Variants in GABRB2 observed in about 807,000 individuals in gnomAD.
The protein encoded by GABRB2 is gamma-aminobutyric acid receptor subunit beta-2.
In GABRB2, 16 loss-of-function variants were observed where a neutral mutation model predicts 54.7. That is an observed-to-expected ratio of 0.29 (90% CI 0.20 to 0.44). The LOEUF is 0.44. Ranked by LOEUF, GABRB2 falls within the 20% of genes least tolerant of loss-of-function variation. The pLI, the probability that GABRB2 is intolerant of heterozygous loss-of-function variation, is 1.00. For missense variants in GABRB2, 355 were observed against 644.0 expected (o/e 0.55, Z 4.86); for synonymous variants, 244 against 233.8 (o/e 1.04, Z -0.40).
intron 7 of GABRB2, 67 bp downstream of exon 7, chr5:161,334,685 G>A (rs527528243): frequency 1.6e-5 from 24 of 1,525,400 alleles, no homozygotes; most frequent in African/African-American, 4.1e-5. Context: ...TAAGGAAAAC[G>A]CGTGCATGCG....
At chr5:161,349,794 T>A (rs1194222201) in intron 5 of GABRB2, among the ~76,000 whole-genome samples, 1 of 152,104 alleles carries the variant, frequency 6.6e-6, no homozygotes, top group East Asian at 1.9e-4. Context: ...ACTGCTTAAG[T>A]GGGCTTGAAA....
At chr5:161,425,024 C>A (rs1480668778) in intron 4 of GABRB2, among the ~76,000 whole-genome samples, 1 of 152,056 alleles carries the variant, frequency 6.6e-6, no homozygotes, top group African/African-American at 2.4e-5. Context: ...AGAAGTGGAT[C>A]TTGAAGATGT....
At chr5:161,349,226 A>C (rs1217784543) in intron 5 of GABRB2, among the ~76,000 whole-genome samples, 2 of 152,102 alleles carry the variant, frequency 1.3e-5, no homozygotes, top group Non-Finnish European at 2.9e-5. Flanking sequence ...TCCTGGCTTC[A>C]GGAAAAAAAA....
intron 5 of GABRB2, among the ~76,000 whole-genome samples, chr5:161,363,743 C>CG (rs1754891958): frequency 1.3e-5 from 2 of 152,012 alleles, no homozygotes; most frequent in Non-Finnish European, 1.5e-5. Flanking sequence ...AGCAATCATT[C>CG]TTTCTTTAGC....
intron 9 of GABRB2, among the ~76,000 whole-genome samples, chr5:161,306,890 C>T (rs252972): frequency 0.1 from 15,534 of 151,960 alleles, 997 homozygotes; most frequent in Non-Finnish European, 0.14. Context: ...TAAGCCTGTG[C>T]GCACTGTGTC....
intron 4 of GABRB2, among the ~76,000 whole-genome samples, chr5:161,451,437 C>T (rs9313887): frequency 0.43 from 64,783 of 151,922 alleles, 15,231 homozygotes; most frequent in African/African-American, 0.64. Flanking sequence ...AGAACTGTCC[C>T]AACAAAATCA....
intron 5 of GABRB2, among the ~76,000 whole-genome samples, chr5:161,410,397 C>CACAA (rs1756473692): frequency 5.8e-5 from 1 of 17,380 alleles, no homozygotes; most frequent in Non-Finnish European, 2.7e-4. Flanking sequence ...TTCTCACACA[C>CACAA]ACACACACAC....
At chr5:161,395,832 T>C (rs1755979633) in intron 5 of GABRB2, among the ~76,000 whole-genome samples, 1 of 152,094 alleles carries the variant, frequency 6.6e-6, no homozygotes, top group Admixed American at 6.6e-5. Context: ...GACTGCCCAC[T>C]CCAGCCCTTA....
chr5:161,472,690 T>A (rs1581014783), intron 3 of GABRB2, among the ~76,000 whole-genome samples: 1 of 152,050 alleles, frequency 6.6e-6, no homozygotes, highest in Non-Finnish European at 1.5e-5. Flanking sequence ...GAGGGTGTAC[T>A]TTAGCACTGA....
intron 3 of GABRB2, among the ~76,000 whole-genome samples, chr5:161,460,597 A>G (rs1157794888): frequency 6.6e-6 from 1 of 152,166 alleles, no homozygotes; most frequent in Non-Finnish European, 1.5e-5. Flanking sequence ...TTCTATGTAT[A>G]CTAAAAAAAT....
At chr5:161,420,838 C>T (rs1044346359) in intron 4 of GABRB2, among the ~76,000 whole-genome samples, 1 of 152,202 alleles carries the variant, frequency 6.6e-6, no homozygotes, top group African/African-American at 2.4e-5. Flanking sequence ...TACTTAAAAT[C>T]TGAGGTTCTT....
At chr5:161,483,924 C>T (rs1236987344) in intron 3 of GABRB2, among the ~76,000 whole-genome samples, 4 of 151,748 alleles carry the variant, frequency 2.6e-5, no homozygotes, top group Non-Finnish European at 5.9e-5. Context: ...GTTAGTATGG[C>T]ACTTTTGGAT....
At chr5:161,423,725 T>C (rs1756918452) in intron 4 of GABRB2, among the ~76,000 whole-genome samples, 1 of 152,152 alleles carries the variant, frequency 6.6e-6, no homozygotes, top group Non-Finnish European at 1.5e-5. Flanking sequence ...CTAGGTGTTC[T>C]AGTGAAAGAA....
chr5:161,336,157 G>T (rs1307792629), intron 6 of GABRB2, among the ~76,000 whole-genome samples: 5 of 152,130 alleles, frequency 3.3e-5, no homozygotes, highest in Admixed American at 1.3e-4. Context: ...GCTCACACAG[G>T]AGGTGAAACT....
intron 3 of GABRB2, among the ~76,000 whole-genome samples, chr5:161,515,738 T>C (rs953699551): frequency 2.0e-5 from 3 of 152,246 alleles, no homozygotes; most frequent in South Asian, 2.1e-4. Flanking sequence ...TGGAAATTTT[T>C]AAGATTATTT....
At chr5:161,479,414 C>T (rs1320564607) in intron 3 of GABRB2, among the ~76,000 whole-genome samples, 2 of 151,996 alleles carry the variant, frequency 1.3e-5, no homozygotes, top group East Asian at 1.9e-4. Flanking sequence ...AATCAGCTCA[C>T]TCTAGTCCTT....
At chr5:161,514,639 A>C (rs73797403) in intron 3 of GABRB2, among the ~76,000 whole-genome samples, 2,644 of 152,120 alleles carry the variant, frequency 0.017, 84 homozygotes, top group African/African-American at 0.061. Context: ...TACTGCCTCC[A>C]AATGGTCCTT....
rs186800885 is a variant in GABRB2, at chr5:161,430,193, C to T, written c.459-19136G>A. Among the ~76,000 whole-genome samples the T allele has an allele frequency of 6.6e-5, 10 of 152,126 alleles. No individual in the cohort carries two copies. The East Asian group carries it at 1.7e-3, about 27-fold the overall frequency. On this transcript the variant is annotated intron_variant, in intron 4 of 9. Coordinates refer to ENST00000393959, the MANE Select transcript of GABRB2 (RefSeq NM_001371727.1). ...GGTTAGCAATGGCAACTCTACCCAACACCAAACTAAAACTCACTGAAGGTT... is the reference window on the plus strand; with the variant it reads ...GGTTAGCAATGGCAACTCTACCCAATACCAAACTAAAACTCACTGAAGGTT...
intron 7 of GABRB2, among the ~76,000 whole-genome samples, chr5:161,333,150 A>T (rs1007912501): frequency 2.0e-5 from 3 of 152,192 alleles, no homozygotes; most frequent in Admixed American, 6.5e-5. Context: ...TTAATGAATT[A>T]TTTATTGTTC....
Sources: allele counts gnomAD v4.1 joint callset (sites outside exome capture counted in the v4.1 genomes callset), GRCh38; gene constraint gnomAD v4.1.1; transcripts MANE v1.5; gene names NCBI Gene and HGNC (gene_info 2026-07-23, HGNC 2026-07-21).